The following PRSS12 variants were observed in gnomAD, a reference collection of about 807,000 sequenced individuals.
PRSS12 encodes the protein neurotrypsin.
PRSS12 carries 85 observed loss-of-function variants against 104.4 expected under a neutral mutation model. That is an observed-to-expected ratio of 0.81 (90% confidence interval 0.68 to 0.98). The LOEUF (loss-of-function observed/expected upper bound fraction) is 0.98. Among genes scored for constraint, PRSS12 ranks in the 50% least tolerant of loss-of-function variants. The pLI, the probability that PRSS12 is intolerant of heterozygous loss-of-function variation, is 0.00. For missense variants in PRSS12, 1,141 were observed against 1,139.2 expected, an observed-to-expected ratio of 1.00 and a Z score of -0.02; for synonymous variants, 454 against 425.2, an observed-to-expected ratio of 1.07 and a Z score of -0.83.
intron 11 of PRSS12, among the ~76,000 whole-genome samples, 194 bp from the exon 12 acceptor site, chr4:118,283,305 A>G (rs1404961836): frequency 6.6e-6 from 1 of 152,146 alleles, no homozygotes; most frequent in Admixed American, 6.5e-5. Flanking sequence ...CCTCATCTTC[A>G]TTTCATTATG....
intron 4 of PRSS12, among the ~76,000 whole-genome samples, chr4:118,326,232 GA>G (rs955643152): frequency 5.9e-5 from 9 of 152,168 alleles, no homozygotes; most frequent in African/African-American, 2.2e-4. Flanking sequence ...ATCCATGGAT[GA>G]AAAAACTCAT....
At chr4:118,348,747 G>A (rs1001444958) in intron 1 of PRSS12, among the ~76,000 whole-genome samples, 29 of 151,902 alleles carry the variant, frequency 1.9e-4, no homozygotes, top group African/African-American at 4.8e-4. Flanking sequence ...TGCCTCCCAG[G>A]TTCAAGCGAT....
In PRSS12 at chr4:118,281,416, T is replaced by G. The variant is rs1018526054; in HGVS notation, c.*520A>C. The G allele has an allele frequency of 1.8e-5, 3 of 170,058 alleles. No individual in the cohort carries two copies. The highest frequency in any genetic ancestry group is 7.2e-5 in the African/African-American group (3 of 41,714). 10.5% of individuals were successfully genotyped at this position (170,058 alleles called of 1,614,324 possible). ...CTACTCCTATTCAGGCCTAAAAGTTTATAGTGGAATTCTTTAACCACTGAT... is the reference window on the plus strand; with the variant it reads ...CTACTCCTATTCAGGCCTAAAAGTTGATAGTGGAATTCTTTAACCACTGAT... On this transcript the variant is annotated 3_prime_UTR_variant, in exon 13 of 13. Coordinates refer to ENST00000296498, the MANE Select transcript of PRSS12 (RefSeq NM_003619.4).
rs549625106 is a variant in PRSS12, at chr4:118,280,641, G to A, written c.*1295C>T. On this transcript the variant is annotated 3_prime_UTR_variant, in exon 13 of 13. Coordinates refer to ENST00000296498, the MANE Select transcript of PRSS12 (RefSeq NM_003619.4). ...TTTATACTACTGGGACCTGGGGAAG[G>A]ATCCATGACATGGAAGTATCTTGAG... 4.6e-5 allele frequency: 7 copies of A among 152,336 alleles called. No individual in the cohort carries two copies. In the East Asian group the frequency reaches 1.3e-3, roughly 29 times the overall value. 9.4% of individuals were successfully genotyped at this position (152,336 alleles called of 1,614,324 possible).
At chr4:118,318,286 G>T in intron 5 of PRSS12, 92 bp downstream of exon 5, 1 of 1,204,564 alleles carries the variant, frequency 8.3e-7, no homozygotes, top group Non-Finnish European at 1.2e-6. Context: ...ATGCTCATTT[G>T]GTAATGTTGA....
chr4:118,352,281 G>C lies in PRSS12; in HGVS notation c.440C>G (p.Pro147Arg). Residue 147 changes from proline (P) to arginine (R), a missense_variant, in exon 1 of 13, where the codon CCC becomes CGC. Pro to Arg is a moderately radical substitution (Grantham distance 103). Coordinates refer to ENST00000296498, the MANE Select transcript of PRSS12 (RefSeq NM_003619.4). ...ACGGGCGTCTCCGTAGAAACACCAG[G>C]GTCTGCCCGCGCCGTCGGGGCTCCG... ...FCRSPDGAGR[P>R]WCFYGDARGK... 1 of 1,609,662 alleles carries C rather than the reference G, an allele frequency of 6.2e-7. No individual in the cohort carries two copies.
chr4:118,309,356 C>A (rs1366163731), intron 7 of PRSS12, among the ~76,000 whole-genome samples: 1 of 152,096 alleles, frequency 6.6e-6, no homozygotes, highest in Admixed American at 6.6e-5. Context: ...TTAGGGTGAG[C>A]CCTAATCAAA....
rs1198300906 is a variant in PRSS12, at chr4:118,295,761, T to C, written c.1916+17A>G. 2.5e-6 allele frequency: 4 copies of C among 1,601,770 alleles called. No individual in the cohort carries two copies. The highest frequency in any genetic ancestry group is 2.7e-5 in the African/African-American group (2 of 74,650). ...TAATTCTGTAATATAAAAAATCTCTTTTGGAGGAACATTTACCTTAAAGAA... is the reference window on the plus strand; with the variant it reads ...TAATTCTGTAATATAAAAAATCTCTCTTGGAGGAACATTTACCTTAAAGAA... On this transcript the variant is annotated intron_variant, in intron 10 of 12. Coordinates refer to ENST00000296498, the MANE Select transcript of PRSS12 (RefSeq NM_003619.4).
At chr4:118,322,392 A>G (rs1209866760) in intron 4 of PRSS12, among the ~76,000 whole-genome samples, 1 of 152,048 alleles carries the variant, frequency 6.6e-6, no homozygotes, top group Non-Finnish European at 1.5e-5. Context: ...TCTACTAAAA[A>G]TACAAAAATT....
At position 118,352,776 on chromosome 4, in the gene PRSS12, G is replaced by C. The variant is rs1193911089; in HGVS notation, c.-56C>G. On this transcript the variant is annotated 5_prime_UTR_variant, in exon 1 of 13. Transcript: ENST00000296498. Reference sequence around the variant, plus strand: ...TCCCCAGCTTCTCGGGCTTGGAGCGGAGAAGAGGAGGGGGCGGGGGCGGGG... The same window carrying C: ...TCCCCAGCTTCTCGGGCTTGGAGCGCAGAAGAGGAGGGGGCGGGGGCGGGG... The C allele has an allele frequency of 6.2e-7, 1 of 1,603,348 alleles. No homozygotes were observed. Among genetic ancestry groups the C allele is most frequent in the Non-Finnish European group, 8.5e-7 (1 of 1,176,232 alleles).
At chr4:118,299,508 G>A (rs192011288) in intron 8 of PRSS12, among the ~76,000 whole-genome samples, 3 of 151,614 alleles carry the variant, frequency 2.0e-5, no homozygotes, top group African/African-American at 4.8e-5. Context: ...TGGTGAAACC[G>A]TTTCTACTAA....
chr4:118,326,459 A>G (rs1723773722), intron 4 of PRSS12, among the ~76,000 whole-genome samples: 1 of 152,332 alleles, frequency 6.6e-6, no homozygotes, highest in South Asian at 2.1e-4. Context: ...CTTGTCCAAC[A>G]TTACACTACT....
At chr4:118,340,828 G>A (rs562791971) in intron 1 of PRSS12, among the ~76,000 whole-genome samples, 1 of 152,366 alleles carries the variant, frequency 6.6e-6, no homozygotes, top group African/African-American at 2.4e-5. Context: ...AGTGTGGTCA[G>A]CCACGTAGAA....
At chr4:118,301,017 TCTA>T (rs1743394017) in intron 8 of PRSS12, among the ~76,000 whole-genome samples, 1 of 151,934 alleles carries the variant, frequency 6.6e-6, no homozygotes. Flanking sequence ...GAAGTTTTAT[TCTA>T]CTTTTTTCTA....
At chr4:118,335,904 T>C (rs1404901482) in intron 2 of PRSS12, among the ~76,000 whole-genome samples, 1 of 152,186 alleles carries the variant, frequency 6.6e-6, no homozygotes, top group Non-Finnish European at 1.5e-5. Flanking sequence ...TTACCACCAA[T>C]GACTGATTTA....
chr4:118,318,707 T>A, intron 4 of PRSS12, 151 bp from the exon 5 acceptor site: 1 of 865,022 alleles, frequency 1.2e-6, no homozygotes, highest in Non-Finnish European at 1.8e-6. Flanking sequence ...TTCTTTTTTG[T>A]ATATTTGTTT....
At chr4:118,339,415 C>T (rs1198073074) in intron 1 of PRSS12, among the ~76,000 whole-genome samples, 1 of 152,142 alleles carries the variant, frequency 6.6e-6, no homozygotes, top group East Asian at 1.9e-4. Flanking sequence ...CACAAAGTAT[C>T]CATTCATTTC....
chr4:118,308,733 T>G (rs1191750514), intron 7 of PRSS12, among the ~76,000 whole-genome samples, 156 bp from the exon 8 acceptor site: 4 of 152,202 alleles, frequency 2.6e-5, no homozygotes, highest in Admixed American at 1.3e-4. Context: ...AATAAAAATT[T>G]TATCCACTTT....
At chr4:118,313,765 T>G (rs1313329776) in intron 6 of PRSS12, among the ~76,000 whole-genome samples, 2 of 152,162 alleles carry the variant, frequency 1.3e-5, no homozygotes, top group Non-Finnish European at 1.5e-5. Context: ...CTTCTGATGC[T>G]CCCTCTGAAC....
Sources: allele counts gnomAD v4.1 joint callset (sites outside exome capture counted in the v4.1 genomes callset), GRCh38; gene constraint gnomAD v4.1.1; transcripts MANE v1.5; gene names NCBI Gene and HGNC (gene_info 2026-07-23, HGNC 2026-07-21).